Variants in ATP6V1C2 observed in about 807,000 individuals in gnomAD.
The protein encoded by ATP6V1C2 is ATPase H+ transporting V1 subunit C2, also known as V-type proton ATPase subunit C 2.
In ATP6V1C2, 45 loss-of-function variants were observed where a neutral mutation model predicts 56.8. That is an observed-to-expected ratio of 0.79 (90% CI 0.62 to 1.02). The LOEUF (loss-of-function observed/expected upper bound fraction) is 1.02. Ranked by LOEUF, ATP6V1C2 falls within the 50% of genes least tolerant of loss-of-function variation. ATP6V1C2 has a pLI of 0.00. For synonymous variants in ATP6V1C2, 220 were observed against 201.3 expected (o/e 1.09, Z -0.79); for missense variants, 463 against 519.7 (o/e 0.89, Z 1.06).
At chr2:10,749,332 C>CA (rs1040126118) in intron 3 of ATP6V1C2, among the ~76,000 whole-genome samples, 7 of 150,454 alleles carry the variant, frequency 4.7e-5, no homozygotes, top group East Asian at 1.9e-4. Context: ...CTGGCCCTAC[C>CA]AAAAAAAAGT....
At chr2:10,734,960 C>T (rs1426578862) in intron 3 of ATP6V1C2, among the ~76,000 whole-genome samples, 1 of 152,124 alleles carries the variant, frequency 6.6e-6, no homozygotes, top group Non-Finnish European at 1.5e-5. Context: ...TGGGGTGTGA[C>T]TGTATGCCCC....
At chr2:10,726,812 T>C (rs893012768) in intron 3 of ATP6V1C2, among the ~76,000 whole-genome samples, 3 of 152,186 alleles carry the variant, frequency 2.0e-5, no homozygotes, top group Admixed American at 6.5e-5. Context: ...CTGAAGATCA[T>C]GCATAGGTGC....
Position 10,780,748 on chromosome 2 carries a change from CCT to C in ATP6V1C2, c.1062-1494_1062-1493del, listed in dbSNP as rs1491112316. Among the ~76,000 whole-genome samples, 3 of 144,072 alleles carry C rather than the reference CCT, an allele frequency of 2.1e-5. No individual in the cohort carries two copies. The highest frequency in any genetic ancestry group is 8.0e-5 in the African/African-American group (3 of 37,514). The allele number at this position is 144,072 out of a possible 152,430, so 94.5% of individuals were successfully genotyped here. The stretch of plus-strand genomic sequence containing the variant: ...CCGATGGGCCAGCCGCTCCTGGGGT[CCT>C]TTTTTTTTTTTTTGAGATGGACTCT... On this transcript the variant is annotated intron_variant, in intron 12 of 13. Coordinates refer to ENST00000272238, the MANE Select transcript of ATP6V1C2 (RefSeq NM_001039362.2). The surrounding 1 kb of genome is among the most constrained non-coding windows in gnomAD (Gnocchi z 4.1).
chr2:10,766,199 A>T (rs1664209730), intron 5 of ATP6V1C2, among the ~76,000 whole-genome samples: 1 of 152,158 alleles, frequency 6.6e-6, no homozygotes, highest in Admixed American at 6.5e-5. Context: ...ACCACAGGGA[A>T]GCAGCTCCTG....
chr2:10,779,543 G>T lies in ATP6V1C2; in HGVS notation c.1061+874G>T, dbSNP rs560410379. Among the ~76,000 whole-genome samples, 25 of 150,954 alleles carry T rather than the reference G, an allele frequency of 1.7e-4. No individual in the cohort carries two copies. In the East Asian group the frequency reaches 3.2e-3, roughly 19 times the overall value. ...TCTACTAAAAATACAAAAATTAGCC[G>T]GGTGTGGTGGCATGGGCCTGTAGTA... On this transcript the variant is annotated intron_variant, in intron 12 of 13. Coordinates refer to ENST00000272238, the MANE Select transcript of ATP6V1C2 (RefSeq NM_001039362.2).
At chr2:10,753,359 C>T (rs1475329480) in intron 3 of ATP6V1C2, among the ~76,000 whole-genome samples, 2 of 152,092 alleles carry the variant, frequency 1.3e-5, no homozygotes, top group Non-Finnish European at 2.9e-5. Flanking sequence ...GCTGGATATA[C>T]CATCATTTAC....
At chr2:10,743,249 T>A (rs1662666442) in intron 3 of ATP6V1C2, among the ~76,000 whole-genome samples, 1 of 151,864 alleles carries the variant, frequency 6.6e-6, no homozygotes. Context: ...CCACTACCCA[T>A]GGCTAATATT....
Position 10,774,831 on chromosome 2 carries a change from CTG to C in ATP6V1C2, c.684_685del (p.Phe229SerfsTer5), listed in dbSNP as rs1372407876. On this transcript the variant is annotated frameshift_variant, in exon 9 of 14. Coordinates refer to ENST00000272238, the MANE Select transcript of ATP6V1C2 (RefSeq NM_001039362.2). LOFTEE classifies it high-confidence loss of function. ...DKEGGLFTVTLFRKVIEDFKT... is the reference protein window; with the variant it reads ...DKEGGLFTVTXFRKVIEDFKT... ...GGAAGGGGGCCTTTTCACTGTGACT[CTG>C]TTTCGAAAAGTGATTGAAGATTTCA... 1 of 1,614,216 alleles carries C rather than the reference CTG, an allele frequency of 6.2e-7. No homozygotes were observed. Among genetic ancestry groups the C allele is most frequent in the South Asian group, 1.1e-5 (1 of 91,082 alleles).
At chr2:10,762,372 C>T (rs1436268662) in intron 4 of ATP6V1C2, among the ~76,000 whole-genome samples, 3 of 152,204 alleles carry the variant, frequency 2.0e-5, no homozygotes, top group Middle Eastern at 3.4e-3. Context: ...TCTCAAACTC[C>T]TGACCTCGTG....
In ATP6V1C2 at chr2:10,783,977, AG is replaced by A; in HGVS notation, c.*715del. 3.8e-6 allele frequency: 1 copy of A among 266,236 alleles called. No individual in the cohort carries two copies. Among genetic ancestry groups the A allele is most frequent in the Non-Finnish European group, 7.0e-6 (1 of 142,412 alleles). The allele number at this position is 266,236 out of a possible 1,614,324, so 16.5% of individuals were successfully genotyped here. A position where few individuals can be genotyped will look rare whatever the true frequency, so the allele number is the denominator to read the frequency against. On this transcript the variant is annotated 3_prime_UTR_variant, in exon 14 of 14. Transcript: ENST00000272238. ...CAGCCTCCAAGAACATTCAAGCAGC[AG>A]TCAGAGAGAAAAATGTTTCGACAGC...
At chr2:10,752,350 G>T (rs908187518) in intron 3 of ATP6V1C2, among the ~76,000 whole-genome samples, 16 of 152,142 alleles carry the variant, frequency 1.1e-4, no homozygotes, top group Non-Finnish European at 1.9e-4. Context: ...AGGCCTCTGG[G>T]CTCCGGTCTG....
chr2:10,771,110 AAAG>A (rs1439509573), intron 6 of ATP6V1C2, among the ~76,000 whole-genome samples: 2 of 152,364 alleles, frequency 1.3e-5, no homozygotes, highest in East Asian at 3.9e-4. Flanking sequence ...AGGGGACAGC[AAAG>A]AAGCCACGCA....
chr2:10,755,230 T>C lies in ATP6V1C2; in HGVS notation c.283+1164T>C, dbSNP rs1226460918. 7.4e-4 allele frequency among the ~76,000 whole-genome samples: 113 copies of C among 151,718 alleles called. 1 individual carries two copies. Among genetic ancestry groups the C allele is most frequent in the Non-Finnish European group, 2.9e-5 (2 of 67,986 alleles). The stretch of plus-strand genomic sequence containing the variant: ...TTTGTATTTTTAGTAGAGACGGGGT[T>C]TCTCCATGTTGGTCAGGCTGGTCTC... On this transcript the variant is annotated intron_variant, in intron 4 of 13. Transcript: ENST00000272238.
At position 10,763,005 on chromosome 2, in the gene ATP6V1C2, G is replaced by T. The variant is rs1402178673; in HGVS notation, c.284-1326G>T. ...CCCTTGGTCAGCTGGAGTCTTGTTT[G>T]GTGACCCCACTGGGCGCTGCTGTTG... On this transcript the variant is annotated intron_variant, in intron 4 of 13. Transcript: ENST00000272238. The surrounding 1 kb of genome is among the most constrained non-coding windows in gnomAD (Gnocchi z 4.2). 6.6e-6 allele frequency among the ~76,000 whole-genome samples: 1 copy of T among 152,094 alleles called. No homozygotes were observed. The highest frequency in any genetic ancestry group is 1.5e-5 in the Non-Finnish European group (1 of 68,008).
intron 3 of ATP6V1C2, among the ~76,000 whole-genome samples, chr2:10,753,229 C>A (rs767112356): frequency 1.0e-3 from 155 of 152,242 alleles, no homozygotes; most frequent in Non-Finnish European, 1.8e-3. Context: ...TAGCCAGTGC[C>A]CATACTGCCT....
intron 3 of ATP6V1C2, among the ~76,000 whole-genome samples, chr2:10,731,918 A>G (rs944835073): frequency 3.9e-5 from 6 of 152,082 alleles, no homozygotes; most frequent in African/African-American, 7.2e-5. Flanking sequence ...GGCTGCAGTG[A>G]GCAGAGATCA....
At chr2:10,741,091 G>A (rs982323383) in intron 3 of ATP6V1C2, among the ~76,000 whole-genome samples, 7 of 152,160 alleles carry the variant, frequency 4.6e-5, no homozygotes, top group African/African-American at 1.4e-4. Flanking sequence ...AGTGACAAGA[G>A]TAACTTTGCT....
intron 3 of ATP6V1C2, among the ~76,000 whole-genome samples, chr2:10,740,874 A>G (rs1317864706): frequency 6.6e-6 from 1 of 152,120 alleles, no homozygotes; most frequent in Non-Finnish European, 1.5e-5. Context: ...TTTAGTAGAG[A>G]CGGGGTTTCA....
intron 3 of ATP6V1C2, among the ~76,000 whole-genome samples, chr2:10,740,967 G>A (rs530454450): frequency 7.2e-5 from 11 of 152,328 alleles, no homozygotes; most frequent in African/African-American, 2.2e-4. Flanking sequence ...GATTACAGGC[G>A]TGAGCCACCA....
Sources: allele counts gnomAD v4.1 joint callset (sites outside exome capture counted in the v4.1 genomes callset), GRCh38; gene constraint gnomAD v4.1.1; non-coding constraint Gnocchi (gnomAD v3.1); transcripts MANE v1.5; gene names NCBI Gene and HGNC (gene_info 2026-07-23, HGNC 2026-07-21).